The following ZNF138 variants were observed in gnomAD, a reference collection of about 807,000 sequenced individuals.
The protein encoded by ZNF138 is zinc finger protein 138, also known as zinc finger protein 138 (clone pHZ-32).
A neutral mutation model predicts 33.0 loss-of-function variants in ZNF138; 33 were observed. The observed-to-expected ratio is 1.00, with a 90% CI of 0.76 to 1.34. ZNF138 has a LOEUF of 1.34. Among genes scored for constraint, ZNF138 ranks in the 40% most tolerant of loss-of-function variants. The pLI is 0.00. For synonymous variants in ZNF138, 139 were observed against 120.4 expected, an observed-to-expected ratio of 1.15 and a Z score of -1.01; for missense variants, 360 against 370.8, an observed-to-expected ratio of 0.97 and a Z score of 0.24.
chr7:64,837,221 GGTACCAGGAGGGAAGGCCT>G (rs1790393928), downstream of ZNF138, among the ~76,000 whole-genome samples: 1 of 152,082 alleles, frequency 6.6e-6, no homozygotes, highest in African/African-American at 2.4e-5. Context: ...TGGGAAATAT[GGTACCAGGAGGGAAGGCCT>G]GTAAGTTTAG....
At chr7:64,858,951 T>G in the ZNF138 span, among the ~76,000 whole-genome samples, 1 of 152,064 alleles carries the variant, frequency 6.6e-6, no homozygotes, top group Admixed American at 6.6e-5. Flanking sequence ...TTCTCTTTCA[T>G]TTTTTTATAT....
chr7:64,801,770 T>A (rs1787155595), intron 1 of ZNF138, among the ~76,000 whole-genome samples: 1 of 152,172 alleles, frequency 6.6e-6, no homozygotes, highest in African/African-American at 2.4e-5. Flanking sequence ...CTCCCACTAT[T>A]GTATCAGAAT....
At chr7:64,835,851 G>A (rs1217713873), downstream of ZNF138, 5 of 152,174 alleles carry the variant, frequency 3.3e-5, no homozygotes, top group Non-Finnish European at 5.9e-5. Flanking sequence ...CCACTAAGGA[G>A]GAGGCTAAGG....
downstream of ZNF138, among the ~76,000 whole-genome samples, chr7:64,834,036 T>C (rs1296396293): frequency 6.6e-6 from 1 of 152,180 alleles, no homozygotes; most frequent in African/African-American, 2.4e-5. Context: ...AATATAAGCC[T>C]TTAAAGTAAA....
chr7:64,817,255 C>T (rs10266953), intron 3 of ZNF138, among the ~76,000 whole-genome samples: 150,098 of 152,300 alleles, frequency 0.99, 74,002 homozygotes, highest in East Asian at 1. Flanking sequence ...GCGGTAAATG[C>T]GTGTCTTCCT....
At chr7:64,841,805 TG>T in the ZNF138 span, among the ~76,000 whole-genome samples, 1 of 152,162 alleles carries the variant, frequency 6.6e-6, no homozygotes, top group Admixed American at 6.5e-5. Flanking sequence ...ACTCAAAAAT[TG>T]GTTTTAGTTA....
chr7:64,860,520 G>T, the ZNF138 span, among the ~76,000 whole-genome samples: 1 of 152,122 alleles, frequency 6.6e-6, no homozygotes, highest in African/African-American at 2.4e-5. Flanking sequence ...CTTTTGGTAT[G>T]CAATAATGAT....
chr7:64,844,680 T>C, the ZNF138 span, among the ~76,000 whole-genome samples: 77,393 of 149,206 alleles, frequency 0.52, 20,272 homozygotes, highest in South Asian at 0.66. Flanking sequence ...TTTTTTTGTT[T>C]TGTTTTGTTT....
the ZNF138 span, among the ~76,000 whole-genome samples, chr7:64,845,434 G>C: frequency 6.6e-6 from 1 of 152,212 alleles, no homozygotes; most frequent in African/African-American, 2.4e-5. Context: ...GCTCCGGGTA[G>C]ACACCCAATA....
At chr7:64,831,112 A>T in intron 3 of ZNF138, 1 of 1,551,056 alleles carries the variant, frequency 6.4e-7, no homozygotes, top group Non-Finnish European at 8.7e-7. Context: ...TTTGAAAAAG[A>T]AACCAAGAGT....
the ZNF138 span, among the ~76,000 whole-genome samples, chr7:64,859,528 C>G: frequency 2.6e-5 from 4 of 152,144 alleles, no homozygotes; most frequent in Non-Finnish European, 5.9e-5. Context: ...CAAACTAGAC[C>G]TACTAAGATT....
the ZNF138 span, among the ~76,000 whole-genome samples, chr7:64,839,269 C>T: frequency 5.3e-5 from 8 of 152,218 alleles, no homozygotes; most frequent in South Asian, 2.1e-4. Flanking sequence ...AAATCTTGGT[C>T]GAGTTGTAAA....
chr7:64,851,904 A>G, the ZNF138 span, among the ~76,000 whole-genome samples: 1 of 152,216 alleles, frequency 6.6e-6, no homozygotes. Context: ...TTCAAATCAA[A>G]CACTCAAAGG....
At chr7:64,852,372 C>A in the ZNF138 span, 1 of 1,419,526 alleles carries the variant, frequency 7.0e-7, no homozygotes, top group South Asian at 1.2e-5. Context: ...AAAACAAAAC[C>A]AAACAGCTAT....
At chr7:64,812,997 T>A (rs531826220) in intron 1 of ZNF138, among the ~76,000 whole-genome samples, 18 of 152,234 alleles carry the variant, frequency 1.2e-4, no homozygotes, top group South Asian at 4.1e-4. Context: ...TAACTACTTT[T>A]AAAAATTCTT....
intron 3 of ZNF138, among the ~76,000 whole-genome samples, chr7:64,825,242 G>A (rs147739977): frequency 0.013 from 1,579 of 123,688 alleles, 33 homozygotes; most frequent in African/African-American, 0.044. Flanking sequence ...GCGCGATCTC[G>A]GCTCACTGCA....
the ZNF138 span, among the ~76,000 whole-genome samples, chr7:64,841,334 A>G: frequency 6.6e-6 from 1 of 152,198 alleles, no homozygotes; most frequent in Non-Finnish European, 1.5e-5. Flanking sequence ...AATTGACATA[A>G]ATATATTTAT....
At chr7:64,807,416 A>G (rs1364975509) in intron 1 of ZNF138, among the ~76,000 whole-genome samples, 2 of 152,198 alleles carry the variant, frequency 1.3e-5, no homozygotes, top group Admixed American at 1.3e-4. Flanking sequence ...CTTCCAGGTT[A>G]CAATTCTCAA....
the ZNF138 span, chr7:64,852,897 C>T: frequency 9.8e-7 from 1 of 1,024,806 alleles, no homozygotes; most frequent in Non-Finnish European, 1.6e-6. Flanking sequence ...GACGTTTCTG[C>T]CTCCTCAGCT....
Sources: gnomAD v4.1 joint callset for allele counts (sites outside exome capture counted in the v4.1 genomes callset) on GRCh38, gnomAD v4.1.1 for gene constraint, MANE v1.5 for transcripts, NCBI Gene and HGNC (gene_info 2026-07-23, HGNC 2026-07-21) for gene names.